The following ASTN2 variants were observed in gnomAD, a reference collection of about 807,000 sequenced individuals.
ASTN2 encodes the protein astrotactin 2, also known as astrotactin-2.
In ASTN2, 54 loss-of-function variants were observed where a neutral mutation model predicts 139.8. The observed-to-expected ratio is 0.39, with a 90% confidence interval of 0.31 to 0.48. The LOEUF (loss-of-function observed/expected upper bound fraction) is 0.48, where lower values mean the gene tolerates loss of function less well. ASTN2 is among the 20% of genes least tolerant of loss of function. The pLI is 0.95. For synonymous variants in ASTN2, 756 were observed against 719.5 expected (o/e 1.05, Z -0.81); for missense variants, 1,565 against 1,725.1 (o/e 0.91, Z 1.64).
intron 11 of ASTN2, among the ~76,000 whole-genome samples, chr9:116,834,607 T>C (rs544982887): frequency 2.0e-5 from 3 of 152,360 alleles, no homozygotes; most frequent in African/African-American, 7.2e-5. Context: ...CTCTCACTTT[T>C]GTTTGATTTG....
At chr9:116,590,185 C>T (rs984443412) in intron 19 of ASTN2, among the ~76,000 whole-genome samples, 4 of 152,206 alleles carry the variant, frequency 2.6e-5, no homozygotes, top group Non-Finnish European at 5.9e-5. Context: ...CCCTCCGAGG[C>T]ACAGTGTGGC....
chr9:116,740,750 G>A (rs1050735895), intron 13 of ASTN2, among the ~76,000 whole-genome samples: 8 of 151,548 alleles, frequency 5.3e-5, no homozygotes, highest in African/African-American at 1.7e-4. Flanking sequence ...TCCTGACCTC[G>A]GGATCTGCCC....
chr9:117,173,347 CAA>C (rs1830839259), intron 3 of ASTN2, among the ~76,000 whole-genome samples: 1 of 151,844 alleles, frequency 6.6e-6, no homozygotes, highest in Admixed American at 6.6e-5. Flanking sequence ...ATCAAGCAGG[CAA>C]AAAATTAGAT....
chr9:116,459,978 A>G (rs910857424), intron 20 of ASTN2, among the ~76,000 whole-genome samples: 3 of 152,146 alleles, frequency 2.0e-5, no homozygotes, highest in African/African-American at 7.2e-5. Flanking sequence ...ATTATTCACA[A>G]CAGCCAAAAA....
In ASTN2 at chr9:117,048,985, C is replaced by T. The variant is rs557211094; in HGVS notation, c.1277-9020G>A. On this transcript the variant is annotated intron_variant, in intron 5 of 22. Coordinates refer to ENST00000313400, the MANE Select transcript of ASTN2 (RefSeq NM_001365068.1). ...TTGCTTTTTTTTTTTTTTTTTGAGA[C>T]GGAGTCTTGCTCTGTTGCCCTGGCT... is the stretch of plus-strand genomic sequence containing the variant. 5.7e-3 allele frequency among the ~76,000 whole-genome samples: 126 copies of T among 22,014 alleles called. 1 individual carries two copies. Among genetic ancestry groups the T allele is most frequent in the Non-Finnish European group, 0.012 (111 of 9,202 alleles). The allele number at this position is 22,014 out of a possible 152,430, so 14.4% of individuals were successfully genotyped here.
At chr9:117,377,307 C>T (rs1830149281) in intron 1 of ASTN2, among the ~76,000 whole-genome samples, 1 of 152,140 alleles carries the variant, frequency 6.6e-6, no homozygotes, top group African/African-American at 2.4e-5. Context: ...TTCTGCAAAG[C>T]CTTTTCTAAA....
chr9:116,733,747 C>T (rs1828848510), intron 13 of ASTN2, among the ~76,000 whole-genome samples: 1 of 152,174 alleles, frequency 6.6e-6, no homozygotes, highest in African/African-American at 2.4e-5. Flanking sequence ...GCTTACTTGG[C>T]TGTATGATCT....
In ASTN2 at chr9:116,779,243, T is replaced by C. The variant is rs566770638; in HGVS notation, c.2396+26389A>G. Among the ~76,000 whole-genome samples the C allele has an allele frequency of 1.7e-4, 26 of 152,268 alleles. No individual in the cohort carries two copies. In the South Asian group the frequency reaches 3.1e-3, roughly 18 times the overall value. On this transcript the variant is annotated intron_variant, in intron 13 of 22. Transcript: ENST00000313400. Reference sequence around the variant, plus strand: ...TGTTTGGGTCATAAAGGCTCCACTCTCATTAATAAATTCAAGCCTTTATAA... The same window carrying C: ...TGTTTGGGTCATAAAGGCTCCACTCCCATTAATAAATTCAAGCCTTTATAA...
chr9:116,485,007 A>C (rs1410199304), intron 20 of ASTN2, among the ~76,000 whole-genome samples: 2 of 152,182 alleles, frequency 1.3e-5, no homozygotes, highest in African/African-American at 4.8e-5. Flanking sequence ...CTCCTTCTGT[A>C]TTAGTGAATA....
At chr9:116,645,154 G>C (rs1857524983) in intron 17 of ASTN2, among the ~76,000 whole-genome samples, 1 of 152,116 alleles carries the variant, frequency 6.6e-6, no homozygotes, top group South Asian at 2.1e-4. Context: ...AACTCTGTCT[G>C]GCTCTTTAGT....
chr9:117,251,802 G>A (rs1833545649), intron 2 of ASTN2, among the ~76,000 whole-genome samples: 1 of 152,184 alleles, frequency 6.6e-6, no homozygotes, highest in Admixed American at 6.5e-5. Context: ...TGCCAGGGAA[G>A]ATGATAGTGT....
chr9:116,651,636 G>A lies in ASTN2; in HGVS notation c.2964C>T (p.His988=). 1 of 1,614,158 alleles carries A rather than the reference G, an allele frequency of 6.2e-7. No homozygotes were observed. The highest frequency in any genetic ancestry group is 8.5e-7 in the Non-Finnish European group (1 of 1,180,042). Residue 988 remains histidine (H), a synonymous_variant, in exon 17 of 23, where the codon CAC becomes CAT. Coordinates refer to ENST00000313400, the MANE Select transcript of ASTN2 (RefSeq NM_001365068.1). ...EEKGRCPSTC[H]LCRRPGKEQL... ...GCTCCTTGCCTGGCCGGCGGCAAAGGTGACAGGTAGATGGACAGCGCCCCT... is the reference window on the plus strand; with the variant it reads ...GCTCCTTGCCTGGCCGGCGGCAAAGATGACAGGTAGATGGACAGCGCCCCT...
At chr9:117,162,489 C>T (rs1301947165) in intron 3 of ASTN2, among the ~76,000 whole-genome samples, 1 of 151,982 alleles carries the variant, frequency 6.6e-6, no homozygotes. Flanking sequence ...GGTAGGATGA[C>T]AAACCAGAGA....
intron 12 of ASTN2, among the ~76,000 whole-genome samples, chr9:116,815,828 A>AAAAAAAAAAAAAAAAAT (rs1554750237): frequency 6.9e-6 from 1 of 145,878 alleles, no homozygotes; most frequent in East Asian, 2.0e-4. Context: ...AAAAAAAAAA[A>AAAAAAAAAAAAAAAAAT]GTTGATGAAA....
chr9:117,296,104 C>A (rs1026831430), intron 1 of ASTN2, among the ~76,000 whole-genome samples: 1 of 151,586 alleles, frequency 6.6e-6, no homozygotes, highest in African/African-American at 2.4e-5. Flanking sequence ...ATGGTGAAAT[C>A]CCGCCTCTAC....
At chr9:116,453,301 A>G (rs1848226507) in intron 20 of ASTN2, among the ~76,000 whole-genome samples, 2 of 152,212 alleles carry the variant, frequency 1.3e-5, no homozygotes, top group African/African-American at 4.8e-5. Context: ...GATTGTTGTA[A>G]GAATGAATAG....
At chr9:116,580,878 G>C (rs1032185587) in intron 19 of ASTN2, among the ~76,000 whole-genome samples, 21 of 152,090 alleles carry the variant, frequency 1.4e-4, no homozygotes, top group Non-Finnish European at 2.8e-4. Context: ...GAAAACAAGA[G>C]CTATGTAGAA....
chr9:116,586,831 TACACAC>T (rs71377255), intron 19 of ASTN2, among the ~76,000 whole-genome samples: 1 of 133,782 alleles, frequency 7.5e-6, no homozygotes. Context: ...CACACATACA[TACACAC>T]ACACACACAC....
chr9:116,805,929 A>G (rs1475117502), intron 12 of ASTN2, 109 bp from the exon 13 acceptor site: 3 of 1,064,558 alleles, frequency 2.8e-6, no homozygotes, highest in Non-Finnish European at 4.1e-6. Context: ...AGAGTTTAGG[A>G]AGGAGACAGC....
Sources: allele counts gnomAD v4.1 joint callset (sites outside exome capture counted in the v4.1 genomes callset), GRCh38; gene constraint gnomAD v4.1.1; transcripts MANE v1.5; gene names NCBI Gene and HGNC (gene_info 2026-07-23, HGNC 2026-07-21).